DLGAP2: variants seen among roughly 807,000 people sequenced by gnomAD.
The protein encoded by DLGAP2 is disks large-associated protein 2.
DLGAP2 carries 26 observed loss-of-function variants against 100.3 expected under a neutral mutation model. The ratio of observed to expected loss-of-function variants is 0.26; its 90% CI spans 0.19 to 0.36. The LOEUF is 0.36. Ranked by LOEUF, DLGAP2 falls within the 10% of genes least tolerant of loss-of-function variation. The pLI is 1.00. For synonymous variants in DLGAP2, 886 were observed against 630.1 expected (o/e 1.41, Z -6.08); for missense variants, 1,858 against 1,453.2 (o/e 1.28, Z -4.53).
intron 3 of DLGAP2, among the ~76,000 whole-genome samples, chr8:1,274,603 C>G (rs1000769110): frequency 6.7e-6 from 1 of 148,416 alleles, no homozygotes; most frequent in African/African-American, 2.5e-5. Flanking sequence ...GAACATAAAC[C>G]ATAAAATGAG....
At chr8:1,579,338 T>C (rs908039651) in intron 6 of DLGAP2, among the ~76,000 whole-genome samples, 1 of 152,162 alleles carries the variant, frequency 6.6e-6, no homozygotes, top group African/African-American at 2.4e-5. Context: ...TGTGTATATA[T>C]ATAGACACAT....
chr8:1,234,604 G>C (rs1470537651), intron 2 of DLGAP2, among the ~76,000 whole-genome samples: 1 of 152,154 alleles, frequency 6.6e-6, no homozygotes, highest in African/African-American at 2.4e-5. Flanking sequence ...TTTTGTGGAG[G>C]CACAGGCTGT....
At chr8:1,525,191 C>CTTTTGTTTTTTTTTTTTTTTTTT (rs1800751356) in intron 4 of DLGAP2, among the ~76,000 whole-genome samples, 1 of 103,680 alleles carries the variant, frequency 9.6e-6, no homozygotes, top group Non-Finnish European at 1.9e-5. Context: ...ACTCTGATGT[C>CTTTTGTTTTTTTTTTTTTTTTTT]TTTTTTTTTT....
intron 2 of DLGAP2, among the ~76,000 whole-genome samples, chr8:1,060,845 C>T (rs1453309345): frequency 6.6e-6 from 1 of 152,196 alleles, no homozygotes; most frequent in Admixed American, 6.5e-5. Flanking sequence ...GCCAGGGCAG[C>T]CTGGGATGCT....
At chr8:1,496,029 T>C (rs1219078721) in intron 3 of DLGAP2, among the ~76,000 whole-genome samples, 1 of 152,072 alleles carries the variant, frequency 6.6e-6, no homozygotes, top group Non-Finnish European at 1.5e-5. Flanking sequence ...CTCCTTCGAG[T>C]GCCCAGAAAC....
At position 1,292,218 on chromosome 8, in the gene DLGAP2, TCTGTCAC is replaced by T. The variant is rs1236676341; in HGVS notation, c.106+33340_106+33346del. On this transcript the variant is annotated intron_variant, in intron 3 of 14. Transcript: ENST00000637795. The stretch of plus-strand genomic sequence containing the variant: ...CTCCTCTGTTGGCTGGAAAGTGAGC[TCTGTCAC>T]CTGTACTCAAAAACAACAAAGGTAT... 4.6e-5 allele frequency among the ~76,000 whole-genome samples: 7 copies of T among 152,302 alleles called. No individual in the cohort carries two copies. In the East Asian group the frequency reaches 1.4e-3, roughly 29 times the overall value.
chr8:1,580,395 G>A (rs1438422553), intron 6 of DLGAP2, among the ~76,000 whole-genome samples: 1 of 152,192 alleles, frequency 6.6e-6, no homozygotes, highest in African/African-American at 2.4e-5. Context: ...CAGTGACCTT[G>A]AAGATAGGTT....
At chr8:1,685,407 G>T (rs984776304) in intron 12 of DLGAP2, among the ~76,000 whole-genome samples, 4 of 152,210 alleles carry the variant, frequency 2.6e-5, no homozygotes, top group African/African-American at 9.6e-5. Context: ...AGCCTTAGGG[G>T]TCAATGTATC....
At position 1,013,543 on chromosome 8, in the gene DLGAP2, C is replaced by T. The variant is rs142335770; in HGVS notation, c.73+105577C>T. Reference sequence around the variant, plus strand: ...TGATGGGGGTGGGTGATGATGTTGCCGCAGAGGTCTCCAGACAGCACTAGT... The same window carrying T: ...TGATGGGGGTGGGTGATGATGTTGCTGCAGAGGTCTCCAGACAGCACTAGT... On this transcript the variant is annotated intron_variant, in intron 2 of 14. Coordinates refer to ENST00000637795, the MANE Select transcript of DLGAP2 (RefSeq NM_001346810.2). 5.8e-4 allele frequency among the ~76,000 whole-genome samples: 88 copies of T among 152,154 alleles called. 1 individual carries two copies. Among genetic ancestry groups the T allele is most frequent in the Middle Eastern group, 3.4e-3 (1 of 294 alleles).
chr8:1,010,541 G>A (rs1262194764), intron 2 of DLGAP2, among the ~76,000 whole-genome samples: 1 of 152,158 alleles, frequency 6.6e-6, no homozygotes, highest in Non-Finnish European at 1.5e-5. Context: ...TACAGAGTTC[G>A]GGCAGTGAAG....
At chr8:1,123,523 A>G (rs1345176252) in intron 2 of DLGAP2, among the ~76,000 whole-genome samples, 2 of 152,206 alleles carry the variant, frequency 1.3e-5, no homozygotes, top group African/African-American at 2.4e-5. Flanking sequence ...TGGAGACTCT[A>G]AAAGGAAAAA....
In DLGAP2 at chr8:1,671,243, C is replaced by T. The variant is rs1478967108; in HGVS notation, c.2202+1459C>T. 2.6e-5 allele frequency among the ~76,000 whole-genome samples: 4 copies of T among 152,212 alleles called. No homozygotes were observed. The East Asian group carries it at 7.7e-4, about 29-fold the overall frequency. On this transcript the variant is annotated intron_variant, in intron 10 of 14. Coordinates refer to ENST00000637795, the MANE Select transcript of DLGAP2 (RefSeq NM_001346810.2). Reference sequence around the variant, plus strand: ...CAGAATGATTCCGTGCCCTCAGGAGCCTGCCCTGGTTCTGTTCCTGTTCTG... The same window carrying T: ...CAGAATGATTCCGTGCCCTCAGGAGTCTGCCCTGGTTCTGTTCCTGTTCTG...
chr8:1,365,638 T>C (rs1802091696), intron 3 of DLGAP2, among the ~76,000 whole-genome samples: 1 of 152,166 alleles, frequency 6.6e-6, no homozygotes, highest in Non-Finnish European at 1.5e-5. Context: ...TTGACCTGTC[T>C]CCAAAACCAA....
At chr8:756,591 C>T (rs1820926727) in intron 1 of DLGAP2, among the ~76,000 whole-genome samples, 1 of 152,058 alleles carries the variant, frequency 6.6e-6, no homozygotes, top group Non-Finnish European at 1.5e-5. Flanking sequence ...TGAGATCATA[C>T]TGGGATCTCA....
At chr8:1,208,604 C>T (rs1251910735) in intron 2 of DLGAP2, among the ~76,000 whole-genome samples, 1 of 116,550 alleles carries the variant, frequency 8.6e-6, no homozygotes, top group Non-Finnish European at 1.6e-5. Flanking sequence ...TTCTGTTCAA[C>T]ATAGTACTAG....
intron 1 of DLGAP2, among the ~76,000 whole-genome samples, chr8:775,153 C>T (rs1399615297): frequency 6.6e-6 from 1 of 151,734 alleles, no homozygotes; most frequent in Non-Finnish European, 1.5e-5. Context: ...CTGTGTTTGT[C>T]TGTTATTGGT....
intron 9 of DLGAP2, 75 bp downstream of exon 9, chr8:1,668,753 A>T (rs996697784): frequency 2.3e-6 from 3 of 1,332,020 alleles, no homozygotes; most frequent in Non-Finnish European, 3.0e-6. Context: ...GCCAAAACCC[A>T]ACCAGCGGCC....
intron 3 of DLGAP2, among the ~76,000 whole-genome samples, chr8:1,262,924 C>T (rs1334325732): frequency 6.6e-6 from 1 of 152,104 alleles, no homozygotes; most frequent in African/African-American, 2.4e-5. Context: ...ATTTTTATGG[C>T]TTGATTTGTC....
intron 6 of DLGAP2, among the ~76,000 whole-genome samples, chr8:1,603,037 C>G (rs1222514839): frequency 1.3e-5 from 2 of 150,840 alleles, no homozygotes; most frequent in Non-Finnish European, 3.0e-5. Flanking sequence ...AGAGCGGAGG[C>G]TGGGTCTGAG....
Sources: allele counts gnomAD v4.1 joint callset (sites outside exome capture counted in the v4.1 genomes callset), GRCh38; gene constraint gnomAD v4.1.1; transcripts MANE v1.5; gene names NCBI Gene and HGNC (gene_info 2026-07-23, HGNC 2026-07-21).